The following DLG1 variants were observed in gnomAD, a reference collection of about 807,000 sequenced individuals.
The protein encoded by DLG1 is disks large homolog 1.
DLG1 carries 42 observed loss-of-function variants against 123.4 expected under a neutral mutation model. That is an observed-to-expected ratio of 0.34 (90% CI 0.27 to 0.44). DLG1 has a LOEUF of 0.44. DLG1 is among the 20% of genes least tolerant of loss of function. The pLI, the probability that DLG1 is intolerant of heterozygous loss-of-function variation, is 1.00. For missense variants in DLG1, 942 were observed against 1,082.6 expected (o/e 0.87, Z 1.82); for synonymous variants, 317 against 356.2 (o/e 0.89, Z 1.24).
chr3:197,074,074 C>T (rs1233320077), intron 18 of DLG1, among the ~76,000 whole-genome samples: 1 of 152,142 alleles, frequency 6.6e-6, no homozygotes, highest in African/African-American at 2.4e-5. Context: ...TTTACTACTA[C>T]ATAATCATGG....
intron 5 of DLG1, among the ~76,000 whole-genome samples, chr3:197,152,153 C>T (rs911486030): frequency 1.3e-5 from 2 of 152,152 alleles, no homozygotes; most frequent in Non-Finnish European, 2.9e-5. Flanking sequence ...ACAGGTATTG[C>T]TATCTTTTCA....
At chr3:197,288,746 ACATACATAC>A (rs1773327524) in intron 3 of DLG1, among the ~76,000 whole-genome samples, 64 of 107,078 alleles carry the variant, frequency 6.0e-4, no homozygotes, top group East Asian at 1.4e-3. Context: ...AAAAAAAAAT[ACATACATAC>A]ATACATACAT....
In DLG1 at chr3:197,138,355, A is replaced by G; in HGVS notation, c.750T>C (p.Asp250=). The change falls in exon 9 of 25, where the codon GAT becomes GAC. Residue 250 remains aspartate, a synonymous_variant. Coordinates refer to ENST00000667157, the MANE Select transcript of DLG1 (RefSeq NM_001366207.1). ...NDCILRVNEV[D]VRDVTHSKAV... ...CTTTGCTATGTGTTACATCACGAAC[A>G]TCTACTTCATTTACTCGTAATATAC... The G allele has an allele frequency of 1.3e-6, 2 of 1,558,124 alleles. No homozygotes were observed. Among genetic ancestry groups the G allele is most frequent in the Non-Finnish European group, 1.7e-6 (2 of 1,146,084 alleles).
intron 5 of DLG1, among the ~76,000 whole-genome samples, chr3:197,179,279 G>A (rs1808825302): frequency 6.6e-6 from 1 of 151,722 alleles, no homozygotes; most frequent in African/African-American, 2.4e-5. Flanking sequence ...GGTACCAAGT[G>A]GATAATCACT....
chr3:197,238,656 G>A (rs1265056064), intron 4 of DLG1, among the ~76,000 whole-genome samples: 1 of 152,178 alleles, frequency 6.6e-6, no homozygotes, highest in Non-Finnish European at 1.5e-5. Context: ...ACAACTGGAT[G>A]AAGTCAGAAA....
At chr3:197,233,997 A>C (rs536171273) in intron 4 of DLG1, among the ~76,000 whole-genome samples, 50 of 152,362 alleles carry the variant, frequency 3.3e-4, no homozygotes, top group African/African-American at 1.1e-3. Flanking sequence ...TCTTTGAAAC[A>C]GCATCTTAGG....
chr3:197,298,652 A>G (rs1162447445), upstream of DLG1: 1 of 259,736 alleles, frequency 3.9e-6, no homozygotes, highest in Non-Finnish European at 7.1e-6. Context: ...GGAGGAGCCA[A>G]CTGCACCTCC....
At chr3:197,221,075 A>G (rs751931655) in intron 4 of DLG1, among the ~76,000 whole-genome samples, 1 of 152,252 alleles carries the variant, frequency 6.6e-6, no homozygotes, top group Non-Finnish European at 1.5e-5. Flanking sequence ...ATTAGTGCTC[A>G]GTGAACTGTT....
chr3:197,288,313 G>A (rs532868371), intron 3 of DLG1, among the ~76,000 whole-genome samples: 160 of 132,190 alleles, frequency 1.2e-3, no homozygotes, highest in Non-Finnish European at 9.2e-4. Flanking sequence ...GCAGTGAGCC[G>A]AGATTGCACC....
At chr3:197,202,951 G>A (rs923894206) in intron 4 of DLG1, among the ~76,000 whole-genome samples, 3 of 152,144 alleles carry the variant, frequency 2.0e-5, no homozygotes, top group Admixed American at 6.5e-5. Flanking sequence ...TGAAGTGGAA[G>A]GGAAAATGTG....
chr3:197,297,868 G>A (rs1329465984), intron 1 of DLG1: 1 of 985,366 alleles, frequency 1.0e-6, no homozygotes, highest in African/African-American at 1.7e-5. Flanking sequence ...CAGCTCCCCA[G>A]CCCGGCCCCG....
intron 4 of DLG1, among the ~76,000 whole-genome samples, chr3:197,270,844 C>T: frequency 6.6e-6 from 1 of 152,140 alleles, no homozygotes; most frequent in East Asian, 1.9e-4. Flanking sequence ...TTACCAAAAA[C>T]GAGTCTCATC....
chr3:197,235,873 T>C lies in DLG1; in HGVS notation c.319-41284A>G, dbSNP rs142613705. 3.3e-3 allele frequency among the ~76,000 whole-genome samples: 495 copies of C among 152,226 alleles called. 2 individuals are homozygous for C. The highest frequency in any genetic ancestry group is 0.01 in the Middle Eastern group (3 of 294). On this transcript the variant is annotated intron_variant, in intron 4 of 24. Coordinates refer to ENST00000667157, the MANE Select transcript of DLG1 (RefSeq NM_001366207.1). ...AAAAACTCAAAAACACTCATAAAAC[T>C]TAAGTATGCTCAAGGACTTAAAGGA...
chr3:197,066,865 G>T, intron 19 of DLG1, 111 bp from the exon 20 acceptor site: 1 of 634,068 alleles, frequency 1.6e-6, no homozygotes, highest in Non-Finnish European at 2.7e-6. Context: ...AAATGGCAAA[G>T]ATATGGAAAG....
At chr3:197,272,670 T>A (rs1244127321) in intron 4 of DLG1, among the ~76,000 whole-genome samples, 1 of 152,060 alleles carries the variant, frequency 6.6e-6, no homozygotes, top group Admixed American at 6.6e-5. Flanking sequence ...CATACAACAG[T>A]AAGGATGAAA....
chr3:197,153,748 A>G (rs1304990765), intron 5 of DLG1, among the ~76,000 whole-genome samples: 1 of 152,192 alleles, frequency 6.6e-6, no homozygotes, highest in South Asian at 2.1e-4. Flanking sequence ...TGTATGGAGG[A>G]AATTAGAAAG....
At chr3:197,285,573 A>C (rs1287862849) in intron 3 of DLG1, among the ~76,000 whole-genome samples, 2 of 152,192 alleles carry the variant, frequency 1.3e-5, no homozygotes, top group Non-Finnish European at 2.9e-5. Context: ...AACAATAAGA[A>C]GACAATCCAA....
intron 5 of DLG1, among the ~76,000 whole-genome samples, chr3:197,168,333 C>T (rs917454727): frequency 3.9e-5 from 6 of 152,192 alleles, no homozygotes; most frequent in Admixed American, 3.9e-4. Flanking sequence ...CACACAATTC[C>T]CTAATCACAA....
intron 4 of DLG1, among the ~76,000 whole-genome samples, chr3:197,270,829 T>A (rs1444737171): frequency 6.6e-6 from 1 of 152,122 alleles, no homozygotes; most frequent in East Asian, 1.9e-4. Context: ...CACTGTGAGG[T>A]CTGCTTACCA....
Sources: allele counts gnomAD v4.1 joint callset (sites outside exome capture counted in the v4.1 genomes callset), GRCh38; gene constraint gnomAD v4.1.1; transcripts MANE v1.5; gene names NCBI Gene and HGNC (gene_info 2026-07-23, HGNC 2026-07-21).